Variants in DPYD observed in about 807,000 individuals in gnomAD.
DPYD encodes the protein dihydropyrimidine dehydrogenase.
Under a neutral mutation model 116.2 loss-of-function variants are expected in DPYD, and 109 were observed. The observed-to-expected ratio is 0.94, with a 90% CI of 0.80 to 1.10. DPYD has a LOEUF of 1.10. Among genes scored for constraint, DPYD ranks in the 50% least tolerant of loss-of-function variants. The probability of loss-of-function intolerance (pLI) is 0.00; values close to 1 mark genes in which losing one functional copy is unlikely to be tolerated. For missense variants in DPYD, 1,302 were observed against 1,254.5 expected, an observed-to-expected ratio of 1.04 and a Z score of -0.57; for synonymous variants, 440 against 432.0, an observed-to-expected ratio of 1.02 and a Z score of -0.23.
At chr1:97,279,473 G>A (rs1665164558) in intron 18 of DPYD, among the ~76,000 whole-genome samples, 1 of 151,816 alleles carries the variant, frequency 6.6e-6, no homozygotes, top group Non-Finnish European at 1.5e-5. Context: ...CAGGTTTCTA[G>A]TGGTCCACTG....
At chr1:97,206,672 A>AAAATC (rs1659642863) in intron 19 of DPYD, among the ~76,000 whole-genome samples, 2 of 103,220 alleles carry the variant, frequency 1.9e-5, no homozygotes, top group Non-Finnish European at 3.7e-5. Context: ...ATATATATAT[A>AAAATC]TATATATATA....
chr1:97,624,024 C>T (rs1012965184), intron 8 of DPYD, among the ~76,000 whole-genome samples: 6 of 151,876 alleles, frequency 4.0e-5, no homozygotes, highest in African/African-American at 1.5e-4. Context: ...CTAAAATTGC[C>T]AGAAGAAAGG....
At chr1:97,729,005 T>C (rs1436796147) in intron 4 of DPYD, among the ~76,000 whole-genome samples, 3 of 152,092 alleles carry the variant, frequency 2.0e-5, no homozygotes, top group African/African-American at 7.2e-5. Flanking sequence ...TCTGAAAAAT[T>C]CTCTTTTCAT....
In DPYD at chr1:97,673,040, G is replaced by A. The variant is rs138192926; in HGVS notation, c.850+6055C>T. Among the ~76,000 whole-genome samples the A allele has an allele frequency of 1.1e-3, 161 of 151,992 alleles. 1 individual carries two copies. The highest frequency in any genetic ancestry group is 2.5e-3 in the Admixed American group (38 of 15,254). On this transcript the variant is annotated intron_variant, in intron 8 of 22. Coordinates refer to ENST00000370192, the MANE Select transcript of DPYD (RefSeq NM_000110.4). ...CTTCAAGAATCTTAAGTGAGATGCT[G>A]AAATGTAGACAGAGTCATGTTGGCT...
chr1:97,669,177 T>G (rs1039264920), intron 8 of DPYD, among the ~76,000 whole-genome samples: 2 of 152,188 alleles, frequency 1.3e-5, no homozygotes, highest in Non-Finnish European at 2.9e-5. Flanking sequence ...AATCAGAAGA[T>G]GACAACACAC....
At chr1:97,619,940 T>G (rs1351213847) in intron 8 of DPYD, among the ~76,000 whole-genome samples, 1 of 152,144 alleles carries the variant, frequency 6.6e-6, no homozygotes, top group Non-Finnish European at 1.5e-5. Flanking sequence ...TTGCCATGAC[T>G]GATTCTAAAT....
At chr1:97,784,194 C>G (rs183510421) in intron 3 of DPYD, among the ~76,000 whole-genome samples, 5 of 152,058 alleles carry the variant, frequency 3.3e-5, no homozygotes, top group Non-Finnish European at 5.9e-5. Context: ...GGAGACATGA[C>G]GATTCCTGCT....
intron 2 of DPYD, among the ~76,000 whole-genome samples, chr1:97,851,135 C>A (rs191337181): frequency 2.5e-4 from 38 of 151,832 alleles, no homozygotes; most frequent in Admixed American, 1.8e-3. Context: ...TAGCCATAAT[C>A]TCTATTAATA....
intron 5 of DPYD, among the ~76,000 whole-genome samples, chr1:97,704,099 C>T (rs1005625750): frequency 6.6e-6 from 1 of 151,940 alleles, no homozygotes; most frequent in African/African-American, 2.4e-5. Context: ...GCATAAGTGG[C>T]CCTCTATCCC....
intron 10 of DPYD, among the ~76,000 whole-genome samples, chr1:97,587,554 G>A (rs1349627663): frequency 1.3e-5 from 2 of 152,056 alleles, no homozygotes; most frequent in South Asian, 2.1e-4. Context: ...GGCCACGCAC[G>A]GTGGCTCACA....
At chr1:97,290,306 G>T (rs1666049872) in intron 18 of DPYD, among the ~76,000 whole-genome samples, 1 of 151,956 alleles carries the variant, frequency 6.6e-6, no homozygotes, top group Non-Finnish European at 1.5e-5. Context: ...AGCTACCAAT[G>T]ACTTTCTTCA....
At chr1:97,614,157 G>A (rs1312226597) in intron 8 of DPYD, among the ~76,000 whole-genome samples, 1 of 151,956 alleles carries the variant, frequency 6.6e-6, no homozygotes, top group Non-Finnish European at 1.5e-5. Context: ...TTTTATGACA[G>A]GGTGTATCAA....
At chr1:97,671,685 T>C (rs1659867465) in intron 8 of DPYD, among the ~76,000 whole-genome samples, 1 of 152,078 alleles carries the variant, frequency 6.6e-6, no homozygotes, top group South Asian at 2.1e-4. Flanking sequence ...TGTTGTATTA[T>C]GTGTTAAGAA....
chr1:97,267,801 T>C (rs12739965), intron 18 of DPYD, among the ~76,000 whole-genome samples: 2,155 of 152,242 alleles, frequency 0.014, 22 homozygotes, highest in South Asian at 0.024. Flanking sequence ...CATTCCACCA[T>C]GGTCCCTCAA....
intron 3 of DPYD, among the ~76,000 whole-genome samples, chr1:97,783,077 CT>C (rs371449063): frequency 3.9e-4 from 60 of 152,288 alleles, no homozygotes; most frequent in African/African-American, 1.3e-3. Context: ...CAAATGTCCC[CT>C]TTCTATTTCT....
At chr1:97,478,067 C>T (rs555652890) in intron 13 of DPYD, among the ~76,000 whole-genome samples, 604 of 152,256 alleles carry the variant, frequency 4.0e-3, no homozygotes, top group Non-Finnish European at 5.9e-3. Flanking sequence ...CCATTGGGTG[C>T]AGAATGGATA....
intron 2 of DPYD, among the ~76,000 whole-genome samples, chr1:97,838,169 G>A (rs1319066450): frequency 1.3e-5 from 2 of 152,242 alleles, no homozygotes; most frequent in Non-Finnish European, 1.5e-5. Context: ...TCAGACAGCA[G>A]TCTTTATAAT....
chr1:97,336,349 T>C (rs767590200), intron 16 of DPYD, among the ~76,000 whole-genome samples: 36 of 152,188 alleles, frequency 2.4e-4, no homozygotes, highest in Non-Finnish European at 3.8e-4. Context: ...TTTAAAGAAC[T>C]AAGTCTAGTA....
chr1:97,699,652 A>G, intron 5 of DPYD, 105 bp from the exon 6 acceptor site: 3 of 1,133,898 alleles, frequency 2.6e-6, no homozygotes, highest in Admixed American at 3.6e-5. Flanking sequence ...AGCAATGAGC[A>G]GTACATTTTC....
Sources: allele counts gnomAD v4.1 joint callset (sites outside exome capture counted in the v4.1 genomes callset), GRCh38; gene constraint gnomAD v4.1.1; transcripts MANE v1.5; gene names NCBI Gene and HGNC (gene_info 2026-07-23, HGNC 2026-07-21).